Variants in MAML2 observed in about 807,000 individuals in gnomAD.
MAML2 encodes the protein mastermind like transcriptional coactivator 2.
In MAML2, 22 loss-of-function variants were observed where a neutral mutation model predicts 96.1. That is an observed-to-expected ratio of 0.23 (90% CI 0.16 to 0.33). The LOEUF is 0.33. MAML2 is among the 10% of genes least tolerant of loss of function. The pLI is 1.00. For missense variants in MAML2, 1,367 were observed against 1,392.4 expected, an observed-to-expected ratio of 0.98 and a Z score of 0.29; for synonymous variants, 561 against 521.3, an observed-to-expected ratio of 1.08 and a Z score of -1.04.
intron 2 of MAML2, among the ~76,000 whole-genome samples, chr11:96,025,647 G>A (rs573711286): frequency 4.6e-5 from 7 of 152,242 alleles, no homozygotes; most frequent in African/African-American, 1.2e-4. Flanking sequence ...TCCACCTCCC[G>A]GGTTCAAGCG....
chr11:95,991,116 A>G (rs1857902745), intron 3 of MAML2, among the ~76,000 whole-genome samples: 2 of 152,136 alleles, frequency 1.3e-5, no homozygotes. Flanking sequence ...TTGAGGCTCC[A>G]TGTTGGCTTT....
intron 1 of MAML2, among the ~76,000 whole-genome samples, chr11:96,307,540 G>C (rs1313002602): frequency 6.6e-6 from 1 of 152,100 alleles, no homozygotes; most frequent in Admixed American, 6.6e-5. Context: ...CAGCTGGGGA[G>C]GGGGAAATGC....
intron 1 of MAML2, among the ~76,000 whole-genome samples, chr11:96,276,717 GA>G (rs1862992489): frequency 7.0e-6 from 1 of 143,674 alleles, no homozygotes; most frequent in Admixed American, 7.5e-5. Context: ...AGTGGCTTGC[GA>G]AAAGGCTACT....
At chr11:96,216,015 C>A (rs1223469230) in intron 1 of MAML2, among the ~76,000 whole-genome samples, 1 of 151,682 alleles carries the variant, frequency 6.6e-6, no homozygotes, top group Non-Finnish European at 1.5e-5. Context: ...TATTTTGAGA[C>A]AGAGTTACAT....
intron 1 of MAML2, among the ~76,000 whole-genome samples, chr11:96,312,653 AT>A (rs996314264): frequency 9.9e-5 from 15 of 151,604 alleles, no homozygotes; most frequent in Admixed American, 2.6e-4. Flanking sequence ...GCTATCCACT[AT>A]TTTTTTTTAT....
At position 96,324,507 on chromosome 11, in the gene MAML2, AG is replaced by A. The variant is rs201415873; in HGVS notation, c.513+16875del. On this transcript the variant is annotated intron_variant, in intron 1 of 4. Coordinates refer to ENST00000524717, the MANE Select transcript of MAML2 (RefSeq NM_032427.4). ...TCCCTTAAAAATTCATGCTTGCCAC[AG>A]GGTAGTTCAACACACATTTATGGAA... 1.0e-3 allele frequency among the ~76,000 whole-genome samples: 157 copies of A among 152,322 alleles called. 1 individual carries two copies. Among genetic ancestry groups the A allele is most frequent in the African/African-American group, 3.4e-3 (143 of 41,574 alleles).
At chr11:96,216,314 A>G (rs765588596) in intron 1 of MAML2, among the ~76,000 whole-genome samples, 1 of 152,140 alleles carries the variant, frequency 6.6e-6, no homozygotes, top group Non-Finnish European at 1.5e-5. Context: ...TTCTGCCCTA[A>G]AGTCTATGGC....
intron 1 of MAML2, among the ~76,000 whole-genome samples, chr11:96,305,888 C>A (rs1863454740): frequency 6.6e-6 from 1 of 152,072 alleles, no homozygotes; most frequent in African/African-American, 2.4e-5. Context: ...TACAAAGCAA[C>A]AAACACAAGT....
chr11:96,318,323 A>T (rs1314441014), intron 1 of MAML2, among the ~76,000 whole-genome samples: 2 of 152,236 alleles, frequency 1.3e-5, no homozygotes, highest in Admixed American at 1.3e-4. Context: ...GGAAGAAGTA[A>T]GCAAGAGACT....
chr11:96,293,117 G>A (rs888641537), intron 1 of MAML2, among the ~76,000 whole-genome samples: 1 of 152,110 alleles, frequency 6.6e-6, no homozygotes, highest in Non-Finnish European at 1.5e-5. Context: ...CAGCTATAAA[G>A]TCATGGACAA....
intron 2 of MAML2, 23 bp downstream of exon 2, chr11:96,091,869 A>G (rs761670304): frequency 6.2e-7 from 1 of 1,601,878 alleles, no homozygotes; most frequent in Non-Finnish European, 8.5e-7. Context: ...GGAACTCTGT[A>G]TTTGGAGTAG....
intron 1 of MAML2, among the ~76,000 whole-genome samples, chr11:96,270,993 C>T (rs539107314): frequency 9.2e-5 from 14 of 152,206 alleles, no homozygotes; most frequent in Non-Finnish European, 1.8e-4. Flanking sequence ...TGGCCTCCAT[C>T]TTTCTCCTGT....
At chr11:96,199,066 C>T (rs1013820358) in intron 1 of MAML2, among the ~76,000 whole-genome samples, 1 of 151,846 alleles carries the variant, frequency 6.6e-6, no homozygotes, top group Admixed American at 6.6e-5. Flanking sequence ...GGCATGCTGG[C>T]GGGCGCCTGT....
intron 2 of MAML2, among the ~76,000 whole-genome samples, chr11:96,083,657 C>T (rs11828057): frequency 0.041 from 6,201 of 152,076 alleles, 434 homozygotes; most frequent in African/African-American, 0.14. Flanking sequence ...TCTTAAAGCC[C>T]CAGAACAGAA....
intron 2 of MAML2, among the ~76,000 whole-genome samples, chr11:96,023,647 A>G (rs619519): frequency 0.39 from 58,961 of 151,998 alleles, 12,750 homozygotes; most frequent in African/African-American, 0.59. Context: ...GGCAGACTCC[A>G]TGAGTTCTCC....
At chr11:96,107,225 T>G (rs186020851) in intron 1 of MAML2, among the ~76,000 whole-genome samples, 1 of 152,214 alleles carries the variant, frequency 6.6e-6, no homozygotes, top group Non-Finnish European at 1.5e-5. Flanking sequence ...AGGCAATATA[T>G]TGTAGTGGTT....
intron 1 of MAML2, among the ~76,000 whole-genome samples, chr11:96,148,685 C>G (rs896871718): frequency 6.6e-6 from 1 of 150,378 alleles, no homozygotes; most frequent in Non-Finnish European, 1.5e-5. Flanking sequence ...CACACACACA[C>G]ACACACACAC....
In MAML2 at chr11:96,092,500, C is replaced by A. The variant is rs2135811746; in HGVS notation, c.1531G>T (p.Ala511Ser). The change falls in exon 2 of 5, where the codon GCT becomes TCT. Residue 511 changes from alanine to serine, a missense_variant. Coordinates refer to ENST00000524717, the MANE Select transcript of MAML2 (RefSeq NM_032427.4). This position sits in a 1 kb window ranked among gnomAD's most constrained non-coding sequence, Gnocchi z 4.1. ...AGGSGQSKVM[A>S]NYMYKAGPSA... Reference sequence around the variant, plus strand: ...GGGCCGGCCTTGTACATGTAGTTAGCCATTACTTTCGACTGGCCGCTGCCG... The same window carrying A: ...GGGCCGGCCTTGTACATGTAGTTAGACATTACTTTCGACTGGCCGCTGCCG... The A allele has an allele frequency of 6.3e-7, 1 of 1,599,878 alleles. No homozygotes were observed. The highest frequency in any genetic ancestry group is 2.2e-5 in the East Asian group (1 of 44,690).
At chr11:96,172,065 C>A (rs559192567) in intron 1 of MAML2, among the ~76,000 whole-genome samples, 123 of 152,346 alleles carry the variant, frequency 8.1e-4, no homozygotes, top group Non-Finnish European at 1.3e-3. Context: ...AACTAAAACA[C>A]AAAGCACAGT....
Sources: allele counts gnomAD v4.1 joint callset (sites outside exome capture counted in the v4.1 genomes callset), GRCh38; gene constraint gnomAD v4.1.1; non-coding constraint Gnocchi (gnomAD v3.1); transcripts MANE v1.5; gene names NCBI Gene and HGNC (gene_info 2026-07-23, HGNC 2026-07-21).